The following SNTG1 variants were observed in gnomAD, a reference collection of about 807,000 sequenced individuals.
SNTG1 encodes syntrophin gamma 1, also known as gamma-1-syntrophin.
Under a neutral mutation model 74.7 loss-of-function variants are expected in SNTG1, and 39 were observed. That is an observed-to-expected ratio of 0.52 (90% CI 0.40 to 0.68). SNTG1 has a LOEUF of 0.68. Ranked by LOEUF, SNTG1 falls within the 30% of genes least tolerant of loss-of-function variation. SNTG1 has a pLI of 0.00. For missense variants in SNTG1, 685 were observed against 609.5 expected, an observed-to-expected ratio of 1.12 and a Z score of -1.30; for synonymous variants, 254 against 217.1, an observed-to-expected ratio of 1.17 and a Z score of -1.49.
chr8:50,388,289 A>T (rs1354884075), intron 2 of SNTG1, among the ~76,000 whole-genome samples: 3 of 152,176 alleles, frequency 2.0e-5, no homozygotes, highest in African/African-American at 2.4e-5. Flanking sequence ...GAACTGTTCT[A>T]AGTTATCAAA....
At chr8:50,329,991 G>T (rs2090901544) in intron 2 of SNTG1, among the ~76,000 whole-genome samples, 1 of 152,134 alleles carries the variant, frequency 6.6e-6, no homozygotes, top group Admixed American at 6.5e-5. Context: ...AGTGACATTT[G>T]CTCCAGTTCC....
At chr8:50,164,548 T>G (rs2082545484) in intron 1 of SNTG1, 1 of 152,236 alleles carries the variant, frequency 6.6e-6, no homozygotes, top group Non-Finnish European at 1.5e-5. Context: ...CATTTTAAAT[T>G]ACTAGGGGAT....
intron 1 of SNTG1, among the ~76,000 whole-genome samples, chr8:49,950,464 T>G (rs977738100): frequency 6.6e-6 from 1 of 152,192 alleles, no homozygotes; most frequent in Admixed American, 6.5e-5. Context: ...TTAAATGGAA[T>G]TGGAAATCCA....
chr8:50,324,334 G>C (rs765867107), intron 2 of SNTG1, among the ~76,000 whole-genome samples: 9 of 152,180 alleles, frequency 5.9e-5, no homozygotes, highest in Admixed American at 2.6e-4. Flanking sequence ...GCATGGCATT[G>C]GCAATTTATG....
chr8:50,557,221 C>CAA (rs570613406), intron 12 of SNTG1, among the ~76,000 whole-genome samples: 15 of 71,626 alleles, frequency 2.1e-4, no homozygotes, highest in Admixed American at 1.5e-4. Context: ...GGGAGAAAAC[C>CAA]AAAAAAAAAA....
intron 4 of SNTG1, among the ~76,000 whole-genome samples, chr8:50,419,351 G>C (rs1158854722): frequency 6.6e-6 from 1 of 152,140 alleles, no homozygotes; most frequent in Non-Finnish European, 1.5e-5. Flanking sequence ...CCCTCACCAG[G>C]CTGCACTGAT....
intron 1 of SNTG1, among the ~76,000 whole-genome samples, chr8:50,162,263 T>G (rs934115579): frequency 6.6e-6 from 1 of 152,096 alleles, no homozygotes; most frequent in African/African-American, 2.4e-5. Flanking sequence ...TGCGGCCTGC[T>G]GGCTATAAGA....
At chr8:50,528,028 T>G (rs2094236325) in intron 9 of SNTG1, among the ~76,000 whole-genome samples, 1 of 152,040 alleles carries the variant, frequency 6.6e-6, no homozygotes. Flanking sequence ...AGCATAATTC[T>G]AGAAAGACTT....
intron 18 of SNTG1, among the ~76,000 whole-genome samples, chr8:50,784,253 G>T (rs1203596327): frequency 6.6e-6 from 1 of 152,146 alleles, no homozygotes; most frequent in East Asian, 1.9e-4. Context: ...GGGAGTAAAA[G>T]GGACAGATAT....
At chr8:50,706,564 C>A (rs1221183967) in intron 16 of SNTG1, among the ~76,000 whole-genome samples, 2 of 152,050 alleles carry the variant, frequency 1.3e-5, no homozygotes, top group African/African-American at 4.8e-5. Flanking sequence ...GCTTTGTATT[C>A]TGTAAACTGA....
At chr8:50,254,032 G>C (rs753566876) in intron 2 of SNTG1, among the ~76,000 whole-genome samples, 13 of 152,210 alleles carry the variant, frequency 8.5e-5, no homozygotes, top group Non-Finnish European at 1.6e-4. Context: ...TTGGAAAACA[G>C]AAACGAGAGG....
At chr8:50,130,852 TTGGACAACAGTATCATTTAGGA>T (rs1303566524) in intron 1 of SNTG1, among the ~76,000 whole-genome samples, 1 of 152,068 alleles carries the variant, frequency 6.6e-6, no homozygotes, top group Non-Finnish European at 1.5e-5. Flanking sequence ...CTCCACATTA[TTGGACAACAGTATCATTTAGGA>T]TGGGAAATAA....
chr8:50,738,177 T>A (rs1485333819), intron 17 of SNTG1, among the ~76,000 whole-genome samples: 2 of 151,994 alleles, frequency 1.3e-5, no homozygotes, highest in Admixed American at 1.3e-4. Context: ...CTCAGACCAA[T>A]ATCTCCTTAA....
chr8:50,295,714 A>G (rs2089331654), intron 2 of SNTG1, among the ~76,000 whole-genome samples: 3 of 152,342 alleles, frequency 2.0e-5, no homozygotes, highest in Admixed American at 6.5e-5. Context: ...TGCCAGAGTC[A>G]GCATTTGCTT....
At chr8:50,583,763 T>G (rs1301653653) in intron 12 of SNTG1, among the ~76,000 whole-genome samples, 1 of 151,916 alleles carries the variant, frequency 6.6e-6, no homozygotes, top group African/African-American at 2.4e-5. Context: ...TCAGATTTGT[T>G]TTTTCTTTTC....
At chr8:50,175,840 T>C (rs1586591412) in intron 2 of SNTG1, among the ~76,000 whole-genome samples, 1 of 152,196 alleles carries the variant, frequency 6.6e-6, no homozygotes, top group African/African-American at 2.4e-5. Flanking sequence ...TTTCAAGCCG[T>C]CCTCTTTCTT....
At chr8:50,466,151 C>A (rs2093606879) in intron 8 of SNTG1, among the ~76,000 whole-genome samples, 1 of 152,096 alleles carries the variant, frequency 6.6e-6, no homozygotes, top group Non-Finnish European at 1.5e-5. Flanking sequence ...TTATACTCCA[C>A]TTTCTTTTAG....
intron 2 of SNTG1, among the ~76,000 whole-genome samples, chr8:50,179,976 A>G (rs573168839): frequency 1.3e-5 from 2 of 152,354 alleles, no homozygotes; most frequent in East Asian, 3.9e-4. Context: ...AAATATCTGC[A>G]TTTGTCTTTT....
At chr8:50,119,022 C>A (rs2080914681) in intron 1 of SNTG1, among the ~76,000 whole-genome samples, 1 of 140,558 alleles carries the variant, frequency 7.1e-6, no homozygotes, top group Non-Finnish European at 1.6e-5. Flanking sequence ...GAAGCTTTGG[C>A]CCTCCAAACT....
Sources: gnomAD v4.1 joint callset for allele counts (sites outside exome capture counted in the v4.1 genomes callset) on GRCh38, gnomAD v4.1.1 for gene constraint, MANE v1.5 for transcripts, NCBI Gene and HGNC (gene_info 2026-07-23, HGNC 2026-07-21) for gene names.